RAPGEF6: variants seen among roughly 807,000 people sequenced by gnomAD.
RAPGEF6 encodes PDZ domain containing guanine nucleotide exchange factor (GEF) 2.
RAPGEF6 carries 56 observed loss-of-function variants against 171.4 expected under a neutral mutation model. The observed-to-expected ratio is 0.33, with a 90% CI of 0.26 to 0.41. The LOEUF is 0.41. Ranked by LOEUF, RAPGEF6 falls within the 10% of genes least tolerant of loss-of-function variation. The pLI is 1.00. For synonymous variants in RAPGEF6, 692 were observed against 650.1 expected (o/e 1.06, Z -0.98); for missense variants, 1,674 against 1,921.4 (o/e 0.87, Z 2.41).
chr5:131,426,803 A>G lies in RAPGEF6; in HGVS notation c.*463T>C, dbSNP rs1751416490. 1 of 182,660 alleles carries G rather than the reference A, an allele frequency of 5.5e-6. No homozygotes were observed. The highest frequency in any genetic ancestry group is 6.2e-5 in the Admixed American group (1 of 16,202). The allele number at this position is 182,660 out of a possible 1,614,324, so 11.3% of individuals were successfully genotyped here. ...TAACAAGAGCTCTCAAATACAAACA[A>G]AACCACAACAATTCAAATAATAAGT... On this transcript the variant is annotated 3_prime_UTR_variant, in exon 28 of 28. Transcript: ENST00000509018.
chr5:131,571,211 C>T (rs1174615900), intron 4 of RAPGEF6, among the ~76,000 whole-genome samples: 1 of 151,890 alleles, frequency 6.6e-6, no homozygotes, highest in Non-Finnish European at 1.5e-5. Context: ...CAAAATGCTG[C>T]GATTACAGGT....
At chr5:131,542,267 G>A (rs765004193) in intron 6 of RAPGEF6, among the ~76,000 whole-genome samples, 87 of 152,194 alleles carry the variant, frequency 5.7e-4, no homozygotes, top group Non-Finnish European at 1.0e-3. Context: ...TAGGAACAAA[G>A]GTTTTTTGAA....
intron 5 of RAPGEF6, among the ~76,000 whole-genome samples, chr5:131,558,043 CTA>C (rs1333840911): frequency 1.3e-5 from 2 of 152,040 alleles, no homozygotes; most frequent in African/African-American, 4.8e-5. Flanking sequence ...TAAAGTTTTT[CTA>C]TTTCCTATTA....
chr5:131,587,268 C>T (rs1171104687), intron 4 of RAPGEF6, among the ~76,000 whole-genome samples: 1 of 152,148 alleles, frequency 6.6e-6, no homozygotes, highest in Non-Finnish European at 1.5e-5. Flanking sequence ...AATGTATCCA[C>T]ATGTGCATCT....
chr5:131,547,954 C>G, intron 6 of RAPGEF6, 93 bp downstream of exon 6: 1 of 1,372,312 alleles, frequency 7.3e-7, no homozygotes, highest in Non-Finnish European at 1.0e-6. Flanking sequence ...ATACAGAGCC[C>G]AGCATGTTGA....
intron 22 of RAPGEF6, among the ~76,000 whole-genome samples, chr5:131,442,958 TTTTG>T (rs1752479107): frequency 6.6e-6 from 1 of 151,396 alleles, no homozygotes; most frequent in Admixed American, 6.6e-5. Context: ...TGGCTTTTTT[TTTTG>T]TTTTTTTTAA....
intron 1 of RAPGEF6, among the ~76,000 whole-genome samples, chr5:131,626,354 C>G (rs1417048524): frequency 6.6e-6 from 1 of 152,032 alleles, no homozygotes; most frequent in Non-Finnish European, 1.5e-5. Flanking sequence ...TTTTTTTTCC[C>G]ACTCCCATAA....
intron 6 of RAPGEF6, among the ~76,000 whole-genome samples, chr5:131,525,710 C>A (rs958976889): frequency 6.6e-6 from 1 of 151,742 alleles, no homozygotes; most frequent in African/African-American, 2.4e-5. Context: ...AAGGCAAACA[C>A]TGAAAATAGT....
intron 24 of RAPGEF6, among the ~76,000 whole-genome samples, chr5:131,439,004 C>T (rs1305619709): frequency 6.6e-6 from 1 of 152,066 alleles, no homozygotes; most frequent in Non-Finnish European, 1.5e-5. Flanking sequence ...CTCACTGCAA[C>T]CTCTGCCTCC....
At chr5:131,484,221 GCTT>G (rs1265129348) in intron 15 of RAPGEF6, among the ~76,000 whole-genome samples, 39 of 131,110 alleles carry the variant, frequency 3.0e-4, no homozygotes, top group African/African-American at 1.2e-3. Flanking sequence ...CACTGCAGAG[GCTT>G]TTTTTTTTTT....
chr5:131,470,749 G>A (rs1200198583), intron 17 of RAPGEF6, among the ~76,000 whole-genome samples: 2 of 152,190 alleles, frequency 1.3e-5, no homozygotes, highest in Non-Finnish European at 2.9e-5. Context: ...CTGTGGCAGA[G>A]GGAGGTGGGT....
At chr5:131,428,697 G>T (rs559502942) in intron 27 of RAPGEF6, among the ~76,000 whole-genome samples, 81 of 152,096 alleles carry the variant, frequency 5.3e-4, no homozygotes, top group African/African-American at 1.9e-3. Flanking sequence ...CCCGACCTCA[G>T]GTGATTCGCC....
At chr5:131,439,314 A>C (rs1752229178) in intron 24 of RAPGEF6, among the ~76,000 whole-genome samples, 1 of 152,204 alleles carries the variant, frequency 6.6e-6, no homozygotes, top group Non-Finnish European at 1.5e-5. Context: ...TTTGCACCAA[A>C]ACTATGGCTT....
chr5:131,602,415 G>C (rs766097758), intron 3 of RAPGEF6, among the ~76,000 whole-genome samples: 1 of 152,044 alleles, frequency 6.6e-6, no homozygotes, highest in Non-Finnish European at 1.5e-5. Flanking sequence ...TAAGCAATAA[G>C]GGCACAAAAA....
chr5:131,626,196 C>T (rs1353837166), intron 1 of RAPGEF6, among the ~76,000 whole-genome samples: 2 of 152,158 alleles, frequency 1.3e-5, no homozygotes, highest in Non-Finnish European at 2.9e-5. Flanking sequence ...TGTTCTGCAA[C>T]CTTTTTTTCA....
rs529237962 is a variant in RAPGEF6 at position 131,479,617 on chromosome 5, T to C, written c.1977A>G (p.Lys659=). 1 of 1,614,084 alleles carries C rather than the reference T, an allele frequency of 6.2e-7. No homozygotes were observed. The highest frequency in any genetic ancestry group is 2.2e-5 in the East Asian group (1 of 44,854). Residue 659 remains lysine (K), a synonymous_variant, in exon 16 of 28, where the codon AAA becomes AAG. Coordinates refer to ENST00000509018, the MANE Select transcript of RAPGEF6 (RefSeq NM_016340.6). ...PGDIEQTSQE[K]GSKKVKANTV... is the part of the protein sequence containing the mutation. ...TATTTGCTTTAACTTTCTTACTTCCTTTCTCCTGTGATGTCTGTTCAATAT... is the reference window on the plus strand; with the variant it reads ...TATTTGCTTTAACTTTCTTACTTCCCTTCTCCTGTGATGTCTGTTCAATAT...
In RAPGEF6 at chr5:131,427,140, G is replaced by A; in HGVS notation, c.*126C>T. Reference sequence around the variant, plus strand: ...GGTCTATTTCATTGCTCGGAGTAGAGGGAATAAAACCTCTGGACTGGTTGT... The same window carrying A: ...GGTCTATTTCATTGCTCGGAGTAGAAGGAATAAAACCTCTGGACTGGTTGT... On this transcript the variant is annotated 3_prime_UTR_variant, in exon 28 of 28. Transcript: ENST00000509018. 1 of 852,792 alleles carries A rather than the reference G, an allele frequency of 1.2e-6. No homozygotes were observed. Among genetic ancestry groups the A allele is most frequent in the South Asian group, 1.4e-5 (1 of 69,810 alleles). 52.8% of individuals were successfully genotyped at this position (852,792 alleles called of 1,614,324 possible).
intron 8 of RAPGEF6, 128 bp downstream of exon 8, chr5:131,510,185 AC>A (rs1757627780): frequency 5.8e-6 from 6 of 1,032,666 alleles, no homozygotes; most frequent in Non-Finnish European, 8.2e-6. Flanking sequence ...AATTTGACTC[AC>A]AAAAACTCTA....
intron 4 of RAPGEF6, among the ~76,000 whole-genome samples, chr5:131,563,813 T>A (rs1761757086): frequency 6.6e-6 from 1 of 152,152 alleles, no homozygotes; most frequent in Non-Finnish European, 1.5e-5. Flanking sequence ...CCTCACTTGT[T>A]TTTTCTTAAG....
Sources: allele counts gnomAD v4.1 joint callset (sites outside exome capture counted in the v4.1 genomes callset), GRCh38; gene constraint gnomAD v4.1.1; transcripts MANE v1.5; gene names NCBI Gene and HGNC (gene_info 2026-07-23, HGNC 2026-07-21).